The following PTPRZ1 variants were observed in gnomAD, a reference collection of about 807,000 sequenced individuals.
The protein encoded by PTPRZ1 is protein tyrosine phosphatase receptor type Z1.
Under a neutral mutation model 214.1 loss-of-function variants are expected in PTPRZ1, and 82 were observed. The ratio of observed to expected loss-of-function variants is 0.38; its 90% CI spans 0.32 to 0.46. The LOEUF is 0.46. PTPRZ1 is among the 20% of genes least tolerant of loss of function. The pLI is 1.00. For synonymous variants in PTPRZ1, 945 were observed against 987.9 expected (o/e 0.96, Z 0.81); for missense variants, 2,603 against 2,748.7 (o/e 0.95, Z 1.19).
intron 2 of PTPRZ1, among the ~76,000 whole-genome samples, 174 bp downstream of exon 2, chr7:121,928,395 A>G (rs559756539): frequency 6.6e-6 from 1 of 152,306 alleles, no homozygotes; most frequent in African/African-American, 2.4e-5. Context: ...TGGGCTTTCC[A>G]TAAACAAATT....
In PTPRZ1 at chr7:122,058,791, T is replaced by C; in HGVS notation, c.6529-9T>C. On this transcript the variant is annotated splice_polypyrimidine_tract_variant and intron_variant, in intron 27 of 29. Transcript: ENST00000393386. ...CTAACTAACATTACTTTGTGTTTTC[T>C]TGTTATAGGATGATTATGTACTTGA... 1 of 1,596,212 alleles carries C rather than the reference T, an allele frequency of 6.3e-7. No homozygotes were observed. Among genetic ancestry groups the C allele is most frequent in the Non-Finnish European group, 8.6e-7 (1 of 1,167,902 alleles).
intron 2 of PTPRZ1, among the ~76,000 whole-genome samples, chr7:121,964,294 G>T (rs979696656): frequency 3.9e-5 from 6 of 152,114 alleles, no homozygotes; most frequent in African/African-American, 7.2e-5. Context: ...TCACAATTCC[G>T]CAGGGCTGGG....
chr7:122,022,549 C>G (rs1030039039), intron 13 of PTPRZ1, among the ~76,000 whole-genome samples: 3 of 152,170 alleles, frequency 2.0e-5, no homozygotes, highest in Non-Finnish European at 4.4e-5. Context: ...TTTATATATT[C>G]TAGATACAAG....
intron 22 of PTPRZ1, 133 bp downstream of exon 22, chr7:122,042,876 G>T: frequency 1.1e-6 from 1 of 946,628 alleles, no homozygotes; most frequent in Non-Finnish European, 1.6e-6. Context: ...GAAGTTTATT[G>T]TCTCATAGTT....
At chr7:122,018,886 C>T (rs1400373503) in intron 12 of PTPRZ1, among the ~76,000 whole-genome samples, 1 of 152,064 alleles carries the variant, frequency 6.6e-6, no homozygotes, top group Non-Finnish European at 1.5e-5. Flanking sequence ...GCCAAGGCAC[C>T]CCTATCTGGG....
At chr7:122,023,899 T>C (rs1799127416) in intron 13 of PTPRZ1, among the ~76,000 whole-genome samples, 1 of 147,666 alleles carries the variant, frequency 6.8e-6, no homozygotes, top group African/African-American at 2.5e-5. Context: ...TAATACACAT[T>C]TCTAGGTTTT....
At chr7:122,019,956 G>A (rs75626003) in intron 13 of PTPRZ1, among the ~76,000 whole-genome samples, 8,444 of 152,182 alleles carry the variant, frequency 0.055, 303 homozygotes, top group East Asian at 0.17. Context: ...CAGTATAACT[G>A]TGTCTGTTAG....
rs1280380183 is a variant in PTPRZ1, at chr7:122,034,318, G to A, written c.5224G>A (p.Ala1742Thr). Residue 1742 changes from alanine to threonine, a missense_variant, in exon 17 of 30, where the codon GCA (alanine) becomes ACA (threonine). Ala to Thr is a moderately conservative substitution (Grantham distance 58). Coordinates refer to ENST00000393386, the MANE Select transcript of PTPRZ1 (RefSeq NM_002851.3). The stretch of plus-strand genomic sequence containing the variant: ...CTGTACTGTTGACTTAGGTATTACA[G>A]CAGACAGCTCCAACCACCCAGACAA... The part of the protein sequence containing the change: ...QSCTVDLGIT[A>T]DSSNHPDNKH... 1 of 1,613,386 alleles carries A rather than the reference G, an allele frequency of 6.2e-7. No homozygotes were observed. The highest frequency in any genetic ancestry group is 8.5e-7 in the Non-Finnish European group (1 of 1,179,624).
intron 2 of PTPRZ1, among the ~76,000 whole-genome samples, chr7:121,947,448 A>C (rs1796419062): frequency 6.6e-6 from 1 of 152,174 alleles, no homozygotes; most frequent in Non-Finnish European, 1.5e-5. Context: ...AATATCATAG[A>C]GCTCACAAAT....
chr7:122,000,645 T>TCATA (rs1798288313), intron 10 of PTPRZ1, among the ~76,000 whole-genome samples: 2 of 84,744 alleles, frequency 2.4e-5, no homozygotes, highest in African/African-American at 9.2e-5. Context: ...TTGATAGATT[T>TCATA]CATATATATA....
At chr7:121,887,764 C>A (rs555643928) in intron 1 of PTPRZ1, among the ~76,000 whole-genome samples, 2 of 152,056 alleles carry the variant, frequency 1.3e-5, no homozygotes, top group Non-Finnish European at 2.9e-5. Flanking sequence ...GCCTGCACAG[C>A]GGATGCACCA....
At chr7:122,052,825 T>C (rs541083633) in intron 25 of PTPRZ1, among the ~76,000 whole-genome samples, 43 of 152,308 alleles carry the variant, frequency 2.8e-4, no homozygotes, top group African/African-American at 9.4e-4. Flanking sequence ...ATGTAAACTC[T>C]CCTGTAGATT....
chr7:122,022,215 T>G (rs1799038361), intron 13 of PTPRZ1, among the ~76,000 whole-genome samples: 1 of 152,248 alleles, frequency 6.6e-6, no homozygotes, highest in Non-Finnish European at 1.5e-5. Context: ...ACTCACCTTT[T>G]TAAAGTGTAT....
chr7:121,985,271 G>A (rs532244009), intron 8 of PTPRZ1, among the ~76,000 whole-genome samples: 1 of 151,910 alleles, frequency 6.6e-6, no homozygotes, highest in African/African-American at 2.4e-5. Flanking sequence ...ATAGACAATC[G>A]ATTAGAAAAA....
At position 122,057,967 on chromosome 7, in the gene PTPRZ1, T is replaced by TATATATAC. The variant is rs1562886842; in HGVS notation, c.6529-833_6529-832insATATATAC. On this transcript the variant is annotated intron_variant, in intron 27 of 29. Coordinates refer to ENST00000393386, the MANE Select transcript of PTPRZ1 (RefSeq NM_002851.3). ...CATATAGTGTGTGTGTGTGTGTGTG[T>TATATATAC]GTATATATATACATATATATATACA... 4.4e-4 allele frequency among the ~76,000 whole-genome samples: 12 copies of TATATATAC among 27,428 alleles called. No individual in the cohort carries two copies. In the African/African-American group the frequency reaches 5.8e-3, roughly 13 times the overall value. The allele number at this position is 27,428 out of a possible 152,430, so 18.0% of individuals were successfully genotyped here. A position where few individuals can be genotyped will look rare whatever the true frequency, so the allele number is the denominator to read the frequency against.
intron 13 of PTPRZ1, among the ~76,000 whole-genome samples, chr7:122,020,092 AT>A (rs1160831486): frequency 1.3e-5 from 2 of 152,138 alleles, no homozygotes; most frequent in East Asian, 1.9e-4. Flanking sequence ...AAGATACATA[AT>A]TTTTTTGTTT....
intron 8 of PTPRZ1, among the ~76,000 whole-genome samples, chr7:121,993,109 A>C (rs1798021906): frequency 6.6e-6 from 1 of 151,990 alleles, no homozygotes; most frequent in Admixed American, 6.6e-5. Context: ...ACAGTTTCGA[A>C]CTCCTCATGA....
intron 23 of PTPRZ1, 69 bp from the exon 24 acceptor site, chr7:122,051,335 GTGTGTGTGTGTGTGTCTGTATGTA>G: frequency 5.7e-6 from 3 of 529,440 alleles, no homozygotes; most frequent in Non-Finnish European, 9.6e-6. Context: ...ATCTTGATTG[GTGTGTGTGTGTGTGTCTGTATGTA>G]TGTGTGTGTG....
chr7:122,046,730 G>C (rs993920245), intron 23 of PTPRZ1, among the ~76,000 whole-genome samples: 2 of 152,112 alleles, frequency 1.3e-5, no homozygotes, highest in Non-Finnish European at 2.9e-5. Context: ...GAAGACGTGA[G>C]ATATTTCCAA....
Sources: gnomAD v4.1 joint callset for allele counts (sites outside exome capture counted in the v4.1 genomes callset) on GRCh38, gnomAD v4.1.1 for gene constraint, MANE v1.5 for transcripts, NCBI Gene and HGNC (gene_info 2026-07-23, HGNC 2026-07-21) for gene names.